CTNND2: variants seen among roughly 807,000 people sequenced by gnomAD.
CTNND2 encodes the protein catenin delta 2, also known as catenin delta-2.
A neutral mutation model predicts 144.4 loss-of-function variants in CTNND2; 22 were observed. The ratio of observed to expected loss-of-function variants is 0.15; its 90% CI spans 0.11 to 0.22. The LOEUF (loss-of-function observed/expected upper bound fraction) is 0.22. CTNND2 is among the 10% of genes least tolerant of loss of function. The pLI, the probability that CTNND2 is intolerant of heterozygous loss-of-function variation, is 1.00. For synonymous variants in CTNND2, 751 were observed against 695.6 expected, an observed-to-expected ratio of 1.08 and a Z score of -1.25; for missense variants, 1,353 against 1,618.8, an observed-to-expected ratio of 0.84 and a Z score of 2.82.
chr5:11,340,903 T>C (rs1315039183), intron 9 of CTNND2, among the ~76,000 whole-genome samples: 1 of 152,214 alleles, frequency 6.6e-6, no homozygotes, highest in Admixed American at 6.5e-5. Context: ...GAATATAAAA[T>C]ATTCAACACT....
chr5:11,795,893 G>A (rs1791374466), intron 1 of CTNND2, among the ~76,000 whole-genome samples: 1 of 152,202 alleles, frequency 6.6e-6, no homozygotes, highest in Non-Finnish European at 1.5e-5. Flanking sequence ...TGTCCACACA[G>A]GCCTCAGCAG....
intron 2 of CTNND2, among the ~76,000 whole-genome samples, chr5:11,655,555 A>C (rs754541569): frequency 9.2e-5 from 14 of 152,150 alleles, no homozygotes; most frequent in Non-Finnish European, 1.5e-4. Flanking sequence ...TTCCAAGTTT[A>C]CTTAAGATCA....
At chr5:11,230,269 A>G (rs888566957) in intron 10 of CTNND2, among the ~76,000 whole-genome samples, 1 of 149,820 alleles carries the variant, frequency 6.7e-6, no homozygotes, top group African/African-American at 2.5e-5. Flanking sequence ...CTAATGCTAG[A>G]TGACGAGTTA....
At chr5:11,238,079 A>T (rs191047099) in intron 9 of CTNND2, among the ~76,000 whole-genome samples, 2 of 152,306 alleles carry the variant, frequency 1.3e-5, no homozygotes, top group African/African-American at 4.8e-5. Flanking sequence ...AAAATATTTA[A>T]GTCCATTCTA....
intron 12 of CTNND2, among the ~76,000 whole-genome samples, chr5:11,149,728 C>G (rs1377803293): frequency 6.6e-6 from 1 of 152,122 alleles, no homozygotes. Flanking sequence ...GTGTATGACA[C>G]AGAGGAAGAG....
chr5:11,365,541 C>T (rs1483919129), intron 7 of CTNND2, among the ~76,000 whole-genome samples: 1 of 152,182 alleles, frequency 6.6e-6, no homozygotes, highest in Non-Finnish European at 1.5e-5. Flanking sequence ...TTGCCACTAA[C>T]TGGTTTAATG....
At chr5:11,193,346 G>T (rs1404000156) in intron 11 of CTNND2, among the ~76,000 whole-genome samples, 1 of 152,062 alleles carries the variant, frequency 6.6e-6, no homozygotes, top group Non-Finnish European at 1.5e-5. Flanking sequence ...TTTCTCCATG[G>T]GAATTTGATA....
intron 12 of CTNND2, among the ~76,000 whole-genome samples, chr5:11,127,356 C>T (rs1302528043): frequency 2.6e-5 from 4 of 152,314 alleles, no homozygotes; most frequent in Non-Finnish European, 4.4e-5. Context: ...TGTAGTTCCA[C>T]GGCAGGTGGA....
At chr5:11,833,432 G>A (rs1346444510) in intron 1 of CTNND2, among the ~76,000 whole-genome samples, 1 of 152,090 alleles carries the variant, frequency 6.6e-6, no homozygotes, top group Non-Finnish European at 1.5e-5. Context: ...AAAATTACAG[G>A]GACAGAAGTC....
intron 6 of CTNND2, among the ~76,000 whole-genome samples, chr5:11,386,270 T>C (rs570267573): frequency 1.3e-5 from 2 of 151,506 alleles, no homozygotes; most frequent in African/African-American, 2.4e-5. Context: ...GTACACAGAG[T>C]TGGAGAGAAG....
chr5:11,459,146 G>A lies in CTNND2; in HGVS notation c.288-47077C>T, dbSNP rs571976248. Reference sequence around the variant, plus strand: ...CAATACACAGAAAGTGCTTAGCAGAGTGCTTGACACCAATTTAGTGGCTAT... The same window carrying A: ...CAATACACAGAAAGTGCTTAGCAGAATGCTTGACACCAATTTAGTGGCTAT... On this transcript the variant is annotated intron_variant, in intron 3 of 21. Coordinates refer to ENST00000304623, the MANE Select transcript of CTNND2 (RefSeq NM_001332.4). Among the ~76,000 whole-genome samples, 55 of 152,262 alleles carry A rather than the reference G, an allele frequency of 3.6e-4. No individual in the cohort carries two copies. The South Asian group carries it at 8.7e-3, about 24-fold the overall frequency.
rs533960694 is a variant in CTNND2 at position 11,031,298 on chromosome 5, A to C, written c.2789-8319T>G. Among the ~76,000 whole-genome samples, 6 of 152,132 alleles carry C rather than the reference A, an allele frequency of 3.9e-5. No individual in the cohort carries two copies. The East Asian group carries it at 1.2e-3, about 29-fold the overall frequency. On this transcript the variant is annotated intron_variant, in intron 16 of 21. Transcript: ENST00000304623. ...AATCAGCAGAAAGAACAGATCCACG[A>C]TATTTAGAGGACGGGGTCTTTTGTG...
intron 9 of CTNND2, among the ~76,000 whole-genome samples, chr5:11,288,999 A>G (rs551349239): frequency 1.3e-5 from 2 of 152,278 alleles, no homozygotes; most frequent in East Asian, 3.9e-4. Context: ...CTCAGCATAT[A>G]GAATCCCCAT....
At chr5:11,724,709 T>C (rs10474932) in intron 2 of CTNND2, among the ~76,000 whole-genome samples, 8,539 of 152,236 alleles carry the variant, frequency 0.056, 811 homozygotes, top group African/African-American at 0.2. Flanking sequence ...CAAAACTATA[T>C]GTGGAATTGT....
chr5:11,850,121 C>A (rs1031752721), intron 1 of CTNND2, among the ~76,000 whole-genome samples: 1 of 151,982 alleles, frequency 6.6e-6, no homozygotes, highest in African/African-American at 2.4e-5. Flanking sequence ...TAAAAAAGTA[C>A]ACCCAGAGGC....
chr5:11,230,188 AG>A (rs1230671917), intron 10 of CTNND2, among the ~76,000 whole-genome samples: 1 of 116,270 alleles, frequency 8.6e-6, no homozygotes, highest in Non-Finnish European at 1.6e-5. Context: ...GGACACAGGA[AG>A]GGGAATATCA....
chr5:11,013,235 T>A (rs1741271892), intron 18 of CTNND2, among the ~76,000 whole-genome samples: 1 of 152,208 alleles, frequency 6.6e-6, no homozygotes, highest in Non-Finnish European at 1.5e-5. Flanking sequence ...GACTTCTCCA[T>A]GGGTGTCCAC....
intron 2 of CTNND2, among the ~76,000 whole-genome samples, chr5:11,678,011 T>G (rs1784255667): frequency 6.6e-6 from 1 of 152,084 alleles, no homozygotes; most frequent in Admixed American, 6.6e-5. Flanking sequence ...AAAAAGAGGG[T>G]GAGAGACTTC....
At chr5:11,444,650 T>C (rs983916315) in intron 3 of CTNND2, among the ~76,000 whole-genome samples, 1 of 152,076 alleles carries the variant, frequency 6.6e-6, no homozygotes, top group Non-Finnish European at 1.5e-5. Flanking sequence ...TGCAGTGAGC[T>C]GAGATTGTGC....
Sources: allele counts gnomAD v4.1 joint callset (sites outside exome capture counted in the v4.1 genomes callset), GRCh38; gene constraint gnomAD v4.1.1; transcripts MANE v1.5; gene names NCBI Gene and HGNC (gene_info 2026-07-23, HGNC 2026-07-21).